TRMT10B: variants seen among roughly 807,000 people sequenced by gnomAD.
TRMT10B encodes tRNA methyltransferase 10B, also known as tRNA methyltransferase 10 homolog B.
In TRMT10B, 33 loss-of-function variants were observed where a neutral mutation model predicts 43.8. The ratio of observed to expected loss-of-function variants is 0.75; its 90% CI spans 0.57 to 1.01. TRMT10B has a LOEUF of 1.01. TRMT10B is among the 50% of genes least tolerant of loss of function. The pLI is 0.00. For synonymous variants in TRMT10B, 137 were observed against 130.6 expected (o/e 1.05, Z -0.34); for missense variants, 362 against 369.8 (o/e 0.98, Z 0.17).
At chr9:37,759,046 G>A (rs530599313) in intron 1 of TRMT10B, among the ~76,000 whole-genome samples, 1 of 152,328 alleles carries the variant, frequency 6.6e-6, no homozygotes, top group East Asian at 1.9e-4. Flanking sequence ...CTCATACATT[G>A]CTGACAGGCA....
At chr9:37,776,692 G>T (rs2118941269) in intron 8 of TRMT10B, among the ~76,000 whole-genome samples, 1 of 152,162 alleles carries the variant, frequency 6.6e-6, no homozygotes, top group East Asian at 1.9e-4. Context: ...CTGAGGTTAG[G>T]AGTTCGAAAC....
At chr9:37,770,907 C>A (rs756249920) in intron 7 of TRMT10B, among the ~76,000 whole-genome samples, 168 bp downstream of exon 7, 3 of 152,248 alleles carry the variant, frequency 2.0e-5, no homozygotes, top group Non-Finnish European at 2.9e-5. Flanking sequence ...TCCCTCTCTC[C>A]TCATGAGCAA....
chr9:37,756,871 TAC>T (rs1167049123), intron 1 of TRMT10B, among the ~76,000 whole-genome samples: 1 of 151,952 alleles, frequency 6.6e-6, no homozygotes, highest in African/African-American at 2.4e-5. Context: ...CACATATACA[TAC>T]ACACATATAT....
intron 7 of TRMT10B, among the ~76,000 whole-genome samples, chr9:37,774,610 G>C (rs1827937761): frequency 6.6e-6 from 1 of 152,202 alleles, no homozygotes. Context: ...GTACTTCAAA[G>C]TGATTATAAA....
At chr9:37,776,171 C>A (rs981137232) in intron 7 of TRMT10B, 111 bp from the exon 8 acceptor site, 1 of 922,964 alleles carries the variant, frequency 1.1e-6, no homozygotes, top group Non-Finnish European at 1.5e-6. Context: ...AACTCATTAT[C>A]TGCAGTTTCT....
At position 37,778,031 on chromosome 9, in the gene TRMT10B, C is replaced by T. The variant is rs1828372777; in HGVS notation, c.*324C>T. ...AAAAAAAAATAAATAAAAAAAAATG[C>T]AGCTGCAGGAGTGAGGCGCTTGGAG... is the stretch of plus-strand genomic sequence containing the variant. On this transcript the variant is annotated 3_prime_UTR_variant, in exon 9 of 9. Transcript: ENST00000297994. 9.3e-6 allele frequency: 2 copies of T among 214,958 alleles called. No individual in the cohort carries two copies. Among genetic ancestry groups the T allele is most frequent in the East Asian group, 1.3e-4 (1 of 7,964 alleles). 13.3% of individuals were successfully genotyped at this position (214,958 alleles called of 1,614,324 possible).
intron 7 of TRMT10B, among the ~76,000 whole-genome samples, chr9:37,771,483 T>A (rs1589039782): frequency 6.6e-6 from 1 of 152,256 alleles, no homozygotes; most frequent in Non-Finnish European, 1.5e-5. Context: ...CCTGTATGTA[T>A]GAGATGTATG....
intron 1 of TRMT10B, among the ~76,000 whole-genome samples, chr9:37,761,473 T>C (rs1176322622): frequency 6.6e-6 from 1 of 151,918 alleles, no homozygotes; most frequent in Non-Finnish European, 1.5e-5. Context: ...CCGAGATGGG[T>C]AGATCACTTG....
intron 1 of TRMT10B, among the ~76,000 whole-genome samples, chr9:37,760,679 G>C (rs1826229693): frequency 6.6e-6 from 1 of 152,194 alleles, no homozygotes; most frequent in Admixed American, 6.5e-5. Flanking sequence ...TGGTTAACAA[G>C]GGTTGCCACT....
At position 37,762,667 on chromosome 9, in the gene TRMT10B, A is replaced by C. The variant is rs1164061143; in HGVS notation, c.277A>C (p.Asn93His). Residue 93 changes from asparagine to histidine, a missense_variant, in exon 3 of 9, where the codon AAT becomes CAT. Coordinates refer to ENST00000297994, the MANE Select transcript of TRMT10B (RefSeq NM_144964.4). ...GCAAGAAAAAGAACGAAGAAAAGCC[A>C]ATCGTGCAGAAAATCCAGGTGACAA... ...RKQEKERRKA[N>H]RAENPGICPQ... 4 of 1,585,628 alleles carry C rather than the reference A, an allele frequency of 2.5e-6. No individual in the cohort carries two copies. Among genetic ancestry groups the C allele is most frequent in the Admixed American group, 1.8e-5 (1 of 55,770 alleles).
At chr9:37,762,979 A>C (rs1826537474) in intron 3 of TRMT10B, among the ~76,000 whole-genome samples, 3 of 69,224 alleles carry the variant, frequency 4.3e-5, no homozygotes, top group South Asian at 8.6e-4. Context: ...TAAAAATACA[A>C]AAAAAAAAAA....
At chr9:37,765,047 G>A (rs1406075990) in intron 4 of TRMT10B, among the ~76,000 whole-genome samples, 1 of 152,132 alleles carries the variant, frequency 6.6e-6, no homozygotes, top group Non-Finnish European at 1.5e-5. Context: ...TGGGCTGGCA[G>A]GGAACCAAAA....
At chr9:37,763,951 T>C in intron 4 of TRMT10B, 198 bp downstream of exon 4, 2 of 1,081,884 alleles carry the variant, frequency 1.8e-6, no homozygotes, top group Admixed American at 3.0e-5. Context: ...TATAGTTTGG[T>C]TTAGTTTGCA....
intron 7 of TRMT10B, among the ~76,000 whole-genome samples, chr9:37,771,157 TG>T (rs1388188076): frequency 6.6e-6 from 1 of 152,224 alleles, no homozygotes; most frequent in Non-Finnish European, 1.5e-5. Context: ...AGATTTTTTT[TG>T]TTGGAGTTTT....
intron 4 of TRMT10B, among the ~76,000 whole-genome samples, chr9:37,766,218 C>T (rs1003675755): frequency 6.6e-6 from 1 of 152,044 alleles, no homozygotes; most frequent in African/African-American, 2.4e-5. Context: ...TTAGGTCTAA[C>T]ATTTAAGTCT....
At chr9:37,770,870 C>G in intron 7 of TRMT10B, 131 bp downstream of exon 7, 1 of 886,550 alleles carries the variant, frequency 1.1e-6, no homozygotes. Context: ...GCCATCCCCA[C>G]CAGGTTGGCC....
upstream of TRMT10B, among the ~76,000 whole-genome samples, chr9:37,752,937 G>A (rs182989011): frequency 2.0e-5 from 3 of 152,262 alleles, no homozygotes; most frequent in East Asian, 1.9e-4. Flanking sequence ...GACTGTGGGT[G>A]CTTTGTTCTT....
chr9:37,764,351 T>G (rs1350966524), intron 4 of TRMT10B, among the ~76,000 whole-genome samples: 2 of 139,156 alleles, frequency 1.4e-5, no homozygotes, highest in African/African-American at 5.4e-5. Flanking sequence ...AGACAGAGTC[T>G]CACTCTGTTG....
rs979047734 is a variant in TRMT10B at position 37,762,569 on chromosome 9, A to G, written c.187-8A>G. 2.2e-5 allele frequency: 34 copies of G among 1,576,004 alleles called. No individual in the cohort carries two copies. The highest frequency in any genetic ancestry group is 2.9e-5 in the Non-Finnish European group (34 of 1,160,718). On this transcript the variant is annotated splice_polypyrimidine_tract_variant and splice_region_variant and intron_variant, in intron 2 of 8. Coordinates refer to ENST00000297994, the MANE Select transcript of TRMT10B (RefSeq NM_144964.4). The stretch of plus-strand genomic sequence containing the variant: ...TCTCAAACAATTTTGTTTTCTGGAT[A>G]ATATAAGAAAAATGTCCAGAGAAAA...
Sources: gnomAD v4.1 joint callset for allele counts (sites outside exome capture counted in the v4.1 genomes callset) on GRCh38, gnomAD v4.1.1 for gene constraint, MANE v1.5 for transcripts, NCBI Gene and HGNC (gene_info 2026-07-23, HGNC 2026-07-21) for gene names.